The following DGCR2 variants were observed in gnomAD, a reference collection of about 807,000 sequenced individuals.
DGCR2 encodes integral membrane protein DGCR2/IDD.
Under a neutral mutation model 51.6 loss-of-function variants are expected in DGCR2, and 24 were observed. That is an observed-to-expected ratio of 0.47 (90% confidence interval 0.34 to 0.65). The LOEUF is 0.65. DGCR2 is among the 30% of genes least tolerant of loss of function. The pLI, the probability that DGCR2 is intolerant of heterozygous loss-of-function variation, is 0.01. For missense variants in DGCR2, 765 were observed against 772.1 expected (o/e 0.99, Z 0.11); for synonymous variants, 340 against 315.4 (o/e 1.08, Z -0.82).
chr22:19,121,977 A>T (rs1569096747), intron 1 of DGCR2, 151 bp downstream of exon 1: 1 of 362,768 alleles, frequency 2.8e-6, no homozygotes, highest in Non-Finnish European at 4.5e-6. Flanking sequence ...GCGTCCGCAG[A>T]GAGTGCCAGG....
At chr22:19,051,406 A>C (rs2082547645) in intron 6 of DGCR2, among the ~76,000 whole-genome samples, 1 of 152,182 alleles carries the variant, frequency 6.6e-6, no homozygotes, top group African/African-American at 2.4e-5. Context: ...AAGGACTGGT[A>C]TCTAGAATAC....
At chr22:19,100,360 G>C (rs976281316) in intron 1 of DGCR2, among the ~76,000 whole-genome samples, 4 of 152,124 alleles carry the variant, frequency 2.6e-5, no homozygotes, top group African/African-American at 9.7e-5. Flanking sequence ...CCTTGCTGTA[G>C]CATGGCAGAG....
At chr22:19,063,316 C>T in intron 4 of DGCR2, 38 bp from the exon 5 acceptor site, 1 of 1,583,732 alleles carries the variant, frequency 6.3e-7, no homozygotes, top group East Asian at 2.2e-5. Context: ...ATCTCAGCGG[C>T]AGGAGGGATG....
chr22:19,114,928 A>G (rs1364092984), intron 1 of DGCR2, among the ~76,000 whole-genome samples: 2 of 152,192 alleles, frequency 1.3e-5, no homozygotes, highest in Admixed American at 1.3e-4. Context: ...AGACTAACCA[A>G]GGAAGACAAG....
intron 1 of DGCR2, among the ~76,000 whole-genome samples, chr22:19,113,862 C>G (rs2083344105): frequency 6.6e-6 from 1 of 152,002 alleles, no homozygotes; most frequent in African/African-American, 2.4e-5. Context: ...AGTTTGAGAC[C>G]AGCCCAGCCA....
chr22:19,046,191 G>T (rs1209616450), intron 7 of DGCR2: 1 of 151,994 alleles, frequency 6.6e-6, no homozygotes, highest in Non-Finnish European at 1.5e-5. Flanking sequence ...AAGCCTTTTT[G>T]TCATCATGGT....
chr22:19,121,840 G>A, intron 1 of DGCR2: 1 of 226,942 alleles, frequency 4.4e-6, no homozygotes, highest in Non-Finnish European at 8.5e-6. Context: ...CGCTGGACTG[G>A]CGAGAGGGTG....
chr22:19,112,589 G>A (rs1417335026), intron 1 of DGCR2, among the ~76,000 whole-genome samples: 2 of 143,540 alleles, frequency 1.4e-5, no homozygotes, highest in South Asian at 2.5e-4. Context: ...GACTACAGGC[G>A]TGTGCCATCA....
In DGCR2 at chr22:19,060,230, C is replaced by T. The variant is rs562025790; in HGVS notation, c.625+2972G>A. On this transcript the variant is annotated intron_variant, in intron 5 of 9. Coordinates refer to ENST00000263196, the MANE Select transcript of DGCR2 (RefSeq NM_005137.3). The stretch of plus-strand genomic sequence containing the variant: ...CTCACTGCTGACTGAGGCTTCTAAA[C>T]GCTAGGTCCCACAGGCTGGCCCAGG... Among the ~76,000 whole-genome samples, 13 of 152,366 alleles carry T rather than the reference C, an allele frequency of 8.5e-5. No individual in the cohort carries two copies. The East Asian group carries it at 9.7e-4, about 11-fold the overall frequency.
intron 2 of DGCR2, among the ~76,000 whole-genome samples, chr22:19,076,547 G>A (rs552144168): frequency 4.1e-4 from 62 of 152,190 alleles, no homozygotes; most frequent in African/African-American, 1.5e-3. Context: ...ACACCGCAGA[G>A]GGATTCCACT....
intron 2 of DGCR2, among the ~76,000 whole-genome samples, chr22:19,084,229 A>T (rs1365596046): frequency 1.3e-5 from 2 of 150,758 alleles, no homozygotes. Flanking sequence ...CAGTCTGGGA[A>T]GTGAGGAGCG....
At chr22:19,071,752 A>G (rs1487865646) in intron 2 of DGCR2, among the ~76,000 whole-genome samples, 1 of 152,266 alleles carries the variant, frequency 6.6e-6, no homozygotes, top group Non-Finnish European at 1.5e-5. Flanking sequence ...AAAGAATCTG[A>G]ATATGGATTA....
intron 8 of DGCR2, 117 bp from the exon 9 acceptor site, chr22:19,041,411 G>T: frequency 1.0e-6 from 1 of 978,590 alleles, no homozygotes; most frequent in Non-Finnish European, 1.5e-6. Context: ...ACACACCTGT[G>T]CCCCGCTGCC....
intron 1 of DGCR2, 67 bp from the exon 2 acceptor site, chr22:19,089,557 G>A (rs2146013273): frequency 7.1e-7 from 1 of 1,408,898 alleles, no homozygotes; most frequent in South Asian, 1.6e-5. Flanking sequence ...TAGCCCATGG[G>A]CTGGATCAAT....
At chr22:19,098,924 T>TC (rs1193297361) in intron 1 of DGCR2, among the ~76,000 whole-genome samples, 2 of 152,082 alleles carry the variant, frequency 1.3e-5, no homozygotes, top group Non-Finnish European at 2.9e-5. Context: ...TGCCCCATAC[T>TC]CCATGTCACC....
rs546481225 is a variant in DGCR2, at chr22:19,050,615, A to G, written c.803-1972T>C. Among the ~76,000 whole-genome samples the G allele has an allele frequency of 3.9e-5, 6 of 152,364 alleles. 1 individual carries two copies. The highest frequency in any genetic ancestry group is 7.3e-5 in the Non-Finnish European group (5 of 68,034). On this transcript the variant is annotated intron_variant, in intron 6 of 9. Coordinates refer to ENST00000263196, the MANE Select transcript of DGCR2 (RefSeq NM_005137.3). ...ATTCTCTTAGCTGATTTAAAAAGCA[A>G]TTGTATAAAATAATATGTATGGAAT...
intron 5 of DGCR2, among the ~76,000 whole-genome samples, chr22:19,062,155 A>G (rs1285560922): frequency 6.6e-6 from 1 of 152,248 alleles, no homozygotes; most frequent in Non-Finnish European, 1.5e-5. Context: ...TGATTAGTCA[A>G]TAGCAATCTA....
intron 5 of DGCR2, among the ~76,000 whole-genome samples, chr22:19,062,774 T>TTCTCTCTCTCTCTCTCTCTCTCTCTCTC (rs1569052709): frequency 9.7e-5 from 11 of 113,980 alleles, no homozygotes; most frequent in South Asian, 3.8e-4. Flanking sequence ...CACACATGCA[T>TTCTCTCTCTCTCTCTCTCTCTCTCTCTC]GCTCACTCTC....
intron 1 of DGCR2, among the ~76,000 whole-genome samples, chr22:19,089,932 T>C (rs111696302): frequency 0.18 from 27,105 of 152,218 alleles, 2,577 homozygotes; most frequent in South Asian, 0.29. Context: ...CAAATATGTA[T>C]TGTCTATGGC....
Sources: gnomAD v4.1 joint callset for allele counts (sites outside exome capture counted in the v4.1 genomes callset) on GRCh38, gnomAD v4.1.1 for gene constraint, MANE v1.5 for transcripts, NCBI Gene and HGNC (gene_info 2026-07-23, HGNC 2026-07-21) for gene names.